Variants in IL1RAPL1 observed in about 807,000 individuals in gnomAD.
IL1RAPL1 encodes interleukin-1 receptor accessory protein-like 1.
IL1RAPL1 carries 3 observed loss-of-function variants against 48.4 expected under a neutral mutation model. The ratio of observed to expected loss-of-function variants is 0.06; its 90% CI spans 0.03 to 0.16. IL1RAPL1 has a LOEUF of 0.16. Ranked by LOEUF, IL1RAPL1 falls within the 10% of genes least tolerant of loss-of-function variation. The pLI is 1.00. For synonymous variants in IL1RAPL1, 185 were observed against 187.7 expected (o/e 0.99, Z 0.12); for missense variants, 349 against 530.6 (o/e 0.66, Z 3.36).
chrX:29,434,273 A>G (rs1934456074), intron 5 of IL1RAPL1, among the ~76,000 whole-genome samples: 1 of 110,157 alleles, frequency 9.1e-6, no homozygotes. Flanking sequence ...TATTTATTTG[A>G]TTTCTTTCAT....
intron 6 of IL1RAPL1, among the ~76,000 whole-genome samples, chrX:29,770,490 C>T (rs757031801): frequency 1.8e-5 from 2 of 111,989 alleles, no homozygotes; most frequent in Non-Finnish European, 3.8e-5. Flanking sequence ...CTTGAATGCT[C>T]GCTATGTGCC....
intron 3 of IL1RAPL1, among the ~76,000 whole-genome samples, chrX:29,371,603 C>T (rs776435499): frequency 1.2e-4 from 13 of 111,677 alleles, no homozygotes; most frequent in African/African-American, 3.6e-4. Flanking sequence ...TTCCCTTTCC[C>T]TCTAGTAATC....
chrX:28,898,356 T>C (rs913543500), intron 2 of IL1RAPL1, among the ~76,000 whole-genome samples: 2 of 112,250 alleles, frequency 1.8e-5, no homozygotes, highest in Non-Finnish European at 3.8e-5. Flanking sequence ...TCACAAAAAT[T>C]TCTCCTGTAT....
At chrX:29,587,391 G>A (rs971833047) in intron 5 of IL1RAPL1, among the ~76,000 whole-genome samples, 2 of 109,064 alleles carry the variant, frequency 1.8e-5, no homozygotes, top group East Asian at 2.9e-4. Context: ...GGGGTTGGGG[G>A]GCATTGGAGT....
At chrX:28,885,657 A>G (rs978140917) in intron 2 of IL1RAPL1, among the ~76,000 whole-genome samples, 3 of 111,655 alleles carry the variant, frequency 2.7e-5, no homozygotes, top group Non-Finnish European at 5.7e-5. Flanking sequence ...CATGGATTTT[A>G]ATACACATGT....
chrX:29,386,822 C>A (rs1933784133), intron 3 of IL1RAPL1, among the ~76,000 whole-genome samples: 1 of 111,880 alleles, frequency 8.9e-6, no homozygotes, highest in African/African-American at 3.2e-5. Flanking sequence ...GGATTAGAGG[C>A]ATGAGCCACC....
At chrX:28,792,850 T>TATAA (rs1185461448) in intron 2 of IL1RAPL1, among the ~76,000 whole-genome samples, 27 of 42,369 alleles carry the variant, frequency 6.4e-4, no homozygotes, top group Non-Finnish European at 7.5e-4. Flanking sequence ...TATATATATA[T>TATAA]AAAAAATAAG....
intron 3 of IL1RAPL1, among the ~76,000 whole-genome samples, chrX:29,283,544 T>A (rs1015757543): frequency 8.9e-6 from 1 of 112,434 alleles, no homozygotes; most frequent in Non-Finnish European, 1.9e-5. Flanking sequence ...GATGCATAGT[T>A]TCTTGCTAAA....
At chrX:29,416,422 G>A (rs1934216864) in intron 5 of IL1RAPL1, among the ~76,000 whole-genome samples, 1 of 110,840 alleles carries the variant, frequency 9.0e-6, no homozygotes, top group African/African-American at 3.3e-5. Flanking sequence ...TGTAGTCCCA[G>A]CTACTCGGGA....
intron 6 of IL1RAPL1, among the ~76,000 whole-genome samples, chrX:29,886,095 C>T (rs1352704259): frequency 9.0e-6 from 1 of 111,605 alleles, no homozygotes; most frequent in Non-Finnish European, 1.9e-5. Context: ...AAAATTTGCA[C>T]ATGGAAAATT....
intron 6 of IL1RAPL1, among the ~76,000 whole-genome samples, chrX:29,884,944 C>G (rs903006905): frequency 4.5e-5 from 5 of 111,953 alleles, no homozygotes; most frequent in African/African-American, 1.3e-4. Context: ...GTATAAGGCA[C>G]TTACCACAGT....
At chrX:29,454,984 A>C (rs1045037711) in intron 5 of IL1RAPL1, among the ~76,000 whole-genome samples, 1 of 111,343 alleles carries the variant, frequency 9.0e-6, no homozygotes, top group African/African-American at 3.3e-5. Flanking sequence ...GCCATACAGC[A>C]TCCAACTATA....
Position 29,407,296 on chromosome X carries a change from G to A in IL1RAPL1, c.703+7988G>A, listed in dbSNP as rs149765072. Among the ~76,000 whole-genome samples, 239 of 111,191 alleles carry A rather than the reference G, an allele frequency of 2.1e-3. 3 individuals carry two copies. The highest frequency in any genetic ancestry group is 0.02 in the Admixed American group (203 of 10,389). On this transcript the variant is annotated intron_variant, in intron 5 of 10. Transcript: ENST00000378993. ...AGTTTTGGGGTATTTATTTTCTTGC[G>A]TGTTTAAAAGTTGTATTAGCTGATA...
intron 6 of IL1RAPL1, among the ~76,000 whole-genome samples, chrX:29,746,703 G>A (rs184435194): frequency 9.0e-6 from 1 of 111,473 alleles, no homozygotes; most frequent in African/African-American, 3.3e-5. Flanking sequence ...TGACTCCTGG[G>A]TTCAAGTGAT....
intron 1 of IL1RAPL1, among the ~76,000 whole-genome samples, chrX:28,645,752 T>C (rs1025986225): frequency 8.9e-6 from 1 of 112,072 alleles, no homozygotes; most frequent in African/African-American, 3.2e-5. Flanking sequence ...TGTTCTATTT[T>C]TTCTTTGCAG....
chrX:28,676,732 GA>G lies in IL1RAPL1; in HGVS notation c.-25+88698del, dbSNP rs59121882. Among the ~76,000 whole-genome samples, 71 of 95,790 alleles carry G rather than the reference GA, an allele frequency of 7.4e-4. 2 individuals are homozygous for G. Among genetic ancestry groups the G allele is most frequent in the Admixed American group, 2.4e-3 (21 of 8,603 alleles). The allele number at this position is 95,790 out of a possible 115,157, so 83.2% of individuals were successfully genotyped here. ...TGGGTGACAGCCTGAGAGTCTGACT[GA>G]AAAAAAAAAAAACCAACAAAACAAA... On this transcript the variant is annotated intron_variant, in intron 1 of 10. Coordinates refer to ENST00000378993, the MANE Select transcript of IL1RAPL1 (RefSeq NM_014271.4).
At chrX:29,272,672 T>C (rs1448404455) in intron 2 of IL1RAPL1, among the ~76,000 whole-genome samples, 1 of 111,530 alleles carries the variant, frequency 9.0e-6, no homozygotes, top group African/African-American at 3.3e-5. Context: ...AGAGGTTCTC[T>C]GCATTTCCTG....
At chrX:29,655,731 G>A (rs375446999) in intron 5 of IL1RAPL1, among the ~76,000 whole-genome samples, 8 of 109,083 alleles carry the variant, frequency 7.3e-5, no homozygotes, top group African/African-American at 2.7e-4. Context: ...ATTAGAAGAG[G>A]TAGGTTTGAA....
intron 6 of IL1RAPL1, among the ~76,000 whole-genome samples, chrX:29,874,788 C>T (rs1375172171): frequency 8.9e-6 from 1 of 112,161 alleles, no homozygotes; most frequent in Non-Finnish European, 1.9e-5. Flanking sequence ...AAGACGCTTC[C>T]TGCAGCATCA....
Sources: allele counts gnomAD v4.1 joint callset (sites outside exome capture counted in the v4.1 genomes callset), GRCh38; gene constraint gnomAD v4.1.1; transcripts MANE v1.5; gene names NCBI Gene and HGNC (gene_info 2026-07-23, HGNC 2026-07-21).